Variants in PITPNM3 observed in about 807,000 individuals in gnomAD.
The protein encoded by PITPNM3 is membrane-associated phosphatidylinositol transfer protein 3.
A neutral mutation model predicts 102.0 loss-of-function variants in PITPNM3; 26 were observed. The ratio of observed to expected loss-of-function variants is 0.25; its 90% CI spans 0.19 to 0.35. PITPNM3 has a LOEUF of 0.35. PITPNM3 is among the 10% of genes least tolerant of loss of function. The pLI is 1.00. For synonymous variants in PITPNM3, 578 were observed against 558.6 expected, an observed-to-expected ratio of 1.03 and a Z score of -0.49; for missense variants, 1,083 against 1,346.1, an observed-to-expected ratio of 0.80 and a Z score of 3.06.
intron 4 of PITPNM3, among the ~76,000 whole-genome samples, chr17:6,484,614 G>A (rs1187617747): frequency 1.3e-5 from 2 of 152,234 alleles, no homozygotes; most frequent in African/African-American, 4.8e-5. Context: ...AGTACCACCT[G>A]AGGACTTCCA....
Position 6,493,475 on chromosome 17 carries a change from C to T in PITPNM3, c.275-9183G>A, listed in dbSNP as rs148663931. On this transcript the variant is annotated intron_variant, in intron 4 of 19. Coordinates refer to ENST00000262483, the MANE Select transcript of PITPNM3 (RefSeq NM_031220.4). The stretch of plus-strand genomic sequence containing the variant: ...AGAGCCATTCCAAGTTTTAGCACAA[C>T]CTAGGAAATGTTTACAACAGTTCAA... Among the ~76,000 whole-genome samples, 315 of 152,328 alleles carry T rather than the reference C, an allele frequency of 2.1e-3. 1 individual carries two copies. Among genetic ancestry groups the T allele is most frequent in the African/African-American group, 5.2e-3 (217 of 41,560 alleles).
chr17:6,461,589 G>A lies in PITPNM3; in HGVS notation c.2307-33C>T, dbSNP rs777672164. 2.5e-6 allele frequency: 4 copies of A among 1,609,388 alleles called. No homozygotes were observed. In the Admixed American group the frequency reaches 6.7e-5, roughly 27 times the overall value. On this transcript the variant is annotated intron_variant, in intron 17 of 19. Transcript: ENST00000262483. ...GATGGCATTAGAAGGGTCCAGCCCT[G>A]CCCAGTGCAGGCCACCTGATGCCCA... is the stretch of plus-strand genomic sequence containing the variant.
At chr17:6,498,231 T>C (rs1397642733) in intron 4 of PITPNM3, among the ~76,000 whole-genome samples, 1 of 152,150 alleles carries the variant, frequency 6.6e-6, no homozygotes, top group African/African-American at 2.4e-5. Context: ...CTTCCCACCA[T>C]TTGCTGCAGA....
At chr17:6,492,779 C>T (rs1906572841) in intron 4 of PITPNM3, among the ~76,000 whole-genome samples, 1 of 152,120 alleles carries the variant, frequency 6.6e-6, no homozygotes, top group Admixed American at 6.5e-5. Context: ...ATTGCTTGAA[C>T]TCGGCAGGTG....
rs571131028 is a variant in PITPNM3 at position 6,473,053 on chromosome 17, C to A, written c.1259-226G>T. 47 of 593,074 alleles carry A rather than the reference C, an allele frequency of 7.9e-5. No individual in the cohort carries two copies. The African/African-American group carries it at 8.3e-4, about 11-fold the overall frequency. The allele number at this position is 593,074 out of a possible 1,614,324, so 36.7% of individuals were successfully genotyped here. On this transcript the variant is annotated intron_variant, in intron 10 of 19. Transcript: ENST00000262483. ...CAGCCGTGCTGCACAGCTGCCCTTCCCCAATCAGGCTTGCAGCTTTCCTTT... is the reference window on the plus strand; with the variant it reads ...CAGCCGTGCTGCACAGCTGCCCTTCACCAATCAGGCTTGCAGCTTTCCTTT...
chr17:6,478,757 G>T lies in PITPNM3; in HGVS notation c.588-21C>A. 1 of 1,547,978 alleles carries T rather than the reference G, an allele frequency of 6.5e-7. No homozygotes were observed. The highest frequency in any genetic ancestry group is 8.7e-7 in the Non-Finnish European group (1 of 1,147,360). On this transcript the variant is annotated intron_variant, in intron 6 of 19. Coordinates refer to ENST00000262483, the MANE Select transcript of PITPNM3 (RefSeq NM_031220.4). The surrounding 1 kb of genome is among the most constrained non-coding windows in gnomAD (Gnocchi z 4.4). ...TCAGGCTGCAGACAGGGGGCCCAAG[G>T]TGAGCCCAGCCAGGATCGGGCAGGT... is the stretch of plus-strand genomic sequence containing the variant.
In PITPNM3 at chr17:6,460,886, G is replaced by A. The variant is rs1437992724; in HGVS notation, c.2490+487C>T. Reference sequence around the variant, plus strand: ...TAAGAGGGTGGCAGGAGGAGGCAGGGCAGATAATTTGCACTTCTCCCGAGT... The same window carrying A: ...TAAGAGGGTGGCAGGAGGAGGCAGGACAGATAATTTGCACTTCTCCCGAGT... On this transcript the variant is annotated intron_variant, in intron 18 of 19. Coordinates refer to ENST00000262483, the MANE Select transcript of PITPNM3 (RefSeq NM_031220.4). 4 of 254,632 alleles carry A rather than the reference G, an allele frequency of 1.6e-5. No individual in the cohort carries two copies. In the Admixed American group the frequency reaches 2.0e-4, roughly 13 times the overall value. 15.8% of individuals were successfully genotyped at this position (254,632 alleles called of 1,614,324 possible).
At chr17:6,530,663 G>A (rs1597406458) in intron 2 of PITPNM3, among the ~76,000 whole-genome samples, 1 of 152,260 alleles carries the variant, frequency 6.6e-6, no homozygotes, top group South Asian at 2.1e-4. Context: ...AGTGCCAGAC[G>A]TGCCCTGAGA....
intron 6 of PITPNM3, chr17:6,479,372 C>G (rs1315232453): frequency 6.5e-6 from 1 of 152,916 alleles, no homozygotes; most frequent in Non-Finnish European, 1.5e-5. Flanking sequence ...ACTGTCCAGA[C>G]TTTGCATTGG....
At chr17:6,550,356 C>T in intron 1 of PITPNM3, among the ~76,000 whole-genome samples, 1 of 152,132 alleles carries the variant, frequency 6.6e-6, no homozygotes, top group East Asian at 1.9e-4. Flanking sequence ...TGCTGTTGAG[C>T]CATTGGACAG....
At position 6,481,793 on chromosome 17, in the gene PITPNM3, A is replaced by G. The variant is rs561426725; in HGVS notation, c.587+1724T>C. The G allele has an allele frequency of 3.1e-5, 4 of 130,414 alleles. No homozygotes were observed. In the East Asian group the frequency reaches 7.1e-4, roughly 23 times the overall value. 8.1% of individuals were successfully genotyped at this position (130,414 alleles called of 1,614,324 possible). Reference sequence around the variant, plus strand: ...ATAGATAGATAGATAATGGATGGACAGATGGATGGATGGATGGACGGATGG... The same window carrying G: ...ATAGATAGATAGATAATGGATGGACGGATGGATGGATGGATGGACGGATGG... On this transcript the variant is annotated intron_variant, in intron 6 of 19. Coordinates refer to ENST00000262483, the MANE Select transcript of PITPNM3 (RefSeq NM_031220.4).
intron 4 of PITPNM3, among the ~76,000 whole-genome samples, chr17:6,485,165 T>C (rs1026284874): frequency 8.0e-5 from 12 of 150,704 alleles, no homozygotes; most frequent in African/African-American, 2.9e-4. Flanking sequence ...TCTTTTCTTT[T>C]TTTTTTTTTT....
At chr17:6,555,070 G>C (rs1310334470) in intron 1 of PITPNM3, among the ~76,000 whole-genome samples, 4 of 152,166 alleles carry the variant, frequency 2.6e-5, no homozygotes, top group Admixed American at 1.3e-4. Flanking sequence ...ACCCAGGCAC[G>C]GTGGAGGAAA....
chr17:6,512,690 G>A (rs1389359341), intron 3 of PITPNM3, among the ~76,000 whole-genome samples: 3 of 152,138 alleles, frequency 2.0e-5, no homozygotes, highest in African/African-American at 7.2e-5. Context: ...ACCAGAGTCA[G>A]GGGGTGAATG....
At chr17:6,503,394 A>G in intron 4 of PITPNM3, 133 bp downstream of exon 4, 1 of 1,036,920 alleles carries the variant, frequency 9.6e-7, no homozygotes, top group Admixed American at 2.0e-5. Flanking sequence ...GCCCTCCGGT[A>G]CTGCCTGCAG....
At chr17:6,505,763 A>AG (rs1397420510) in intron 3 of PITPNM3, among the ~76,000 whole-genome samples, 1 of 152,234 alleles carries the variant, frequency 6.6e-6, no homozygotes, top group Non-Finnish European at 1.5e-5. Flanking sequence ...GCCCCATGCT[A>AG]GGGGCCATGG....
chr17:6,480,220 C>G (rs1472731666), intron 6 of PITPNM3: 1 of 152,252 alleles, frequency 6.6e-6, no homozygotes, highest in African/African-American at 2.4e-5. Context: ...TGCGGAATTA[C>G]AGACCTAATC....
chr17:6,530,437 C>G (rs1193869022), intron 2 of PITPNM3, among the ~76,000 whole-genome samples: 1 of 152,228 alleles, frequency 6.6e-6, no homozygotes, highest in Admixed American at 6.5e-5. Context: ...GATTCCGCAA[C>G]ACAGAACCCA....
chr17:6,474,501 A>T lies in PITPNM3; in HGVS notation c.1189T>A (p.Phe397Ile). 6.2e-7 allele frequency: 1 copy of T among 1,613,528 alleles called. No homozygotes were observed. The highest frequency in any genetic ancestry group is 1.1e-5 in the South Asian group (1 of 91,054). ...CCCAGTGGCGAGCCGAAGAGGAAGA[A>T]GTCGGACACATCGAAGTCAAAGCGG... ...LGRFDFDVSD[F>I]FLFGSPLGLV... The change falls in exon 10 of 20, where the codon TTC becomes ATC. Residue 397 changes from phenylalanine to isoleucine, a missense_variant. By Grantham distance (21) the Phe-to-Ile change is conservative. This residue lies in a region of PITPNM3 where 172 missense variants were observed against 175.6 expected (regional missense o/e 0.98). Transcript: ENST00000262483.
Sources: allele counts gnomAD v4.1 joint callset (sites outside exome capture counted in the v4.1 genomes callset), GRCh38; gene constraint gnomAD v4.1.1; regional missense constraint gnomAD v4.1.1; non-coding constraint Gnocchi (gnomAD v3.1); transcripts MANE v1.5; gene names NCBI Gene and HGNC (gene_info 2026-07-23, HGNC 2026-07-21).